The following ERGIC1 variants were observed in gnomAD, a reference collection of about 807,000 sequenced individuals.
ERGIC1 encodes the protein endoplasmic reticulum-golgi intermediate compartment 1, also known as endoplasmic reticulum-Golgi intermediate compartment protein 1.
ERGIC1 carries 19 observed loss-of-function variants against 38.3 expected under a neutral mutation model. That is an observed-to-expected ratio of 0.50 (90% CI 0.35 to 0.73). ERGIC1 has a LOEUF of 0.73. Ranked by LOEUF, ERGIC1 falls within the 30% of genes least tolerant of loss-of-function variation. ERGIC1 has a pLI of 0.01. For missense variants in ERGIC1, 294 were observed against 389.2 expected, an observed-to-expected ratio of 0.76 and a Z score of 2.06; for synonymous variants, 124 against 157.6, an observed-to-expected ratio of 0.79 and a Z score of 1.60.
At chr5:172,897,776 G>A (rs1428792332) in intron 3 of ERGIC1, 1 of 413,484 alleles carries the variant, frequency 2.4e-6, no homozygotes, top group Non-Finnish European at 4.4e-6. Context: ...CTACCGGAGG[G>A]GGCGAGGTTG....
At chr5:172,893,923 G>A (rs1180638852) in intron 2 of ERGIC1, among the ~76,000 whole-genome samples, 6,873 of 65,218 alleles carry the variant, frequency 0.11, 925 homozygotes, top group African/African-American at 0.22. Flanking sequence ...GTGTGTGTGT[G>A]TGTGTGTGTG....
intron 1 of ERGIC1, among the ~76,000 whole-genome samples, chr5:172,864,061 G>A (rs1761788315): frequency 6.6e-6 from 1 of 151,976 alleles, no homozygotes; most frequent in Non-Finnish European, 1.5e-5. Context: ...GCTGGGCATG[G>A]TGGTGCATAC....
rs189161200 is a variant in ERGIC1, at chr5:172,920,429, G to A, written c.376-3576G>A. 458 of 717,798 alleles carry A rather than the reference G, an allele frequency of 6.4e-4. 4 individuals are homozygous for A. In the East Asian group the frequency reaches 0.01, roughly 16 times the overall value. 44.5% of individuals were successfully genotyped at this position (717,798 alleles called of 1,614,324 possible). ...GAGCAGCAGCGGCAGCCTCACCAGA[G>A]ACCCCACGGTGACCTCGTTTCATCA... On this transcript the variant is annotated intron_variant, in intron 5 of 9. Coordinates refer to ENST00000393784, the MANE Select transcript of ERGIC1 (RefSeq NM_001031711.3).
At chr5:172,845,342 G>A (rs1012256358) in intron 1 of ERGIC1, among the ~76,000 whole-genome samples, 16 of 152,278 alleles carry the variant, frequency 1.1e-4, no homozygotes, top group Admixed American at 9.2e-4. Flanking sequence ...ATCTGTGGGC[G>A]AGAGATTATG....
In ERGIC1 at chr5:172,909,709, T is replaced by C; in HGVS notation, c.198T>C (p.Gly66=). The C allele has an allele frequency of 6.2e-7, 1 of 1,614,186 alleles. No individual in the cohort carries two copies. ...LYVDDPDKDS[G]GKIDVSLNIS... ...TCGATGACCCAGACAAGGACAGCGG[T>C]GGCAAGATCGACGTCAGTCTGAACA... The change falls in exon 4 of 10, where the codon GGT becomes GGC. Residue 66 remains glycine (G), a synonymous_variant. Transcript: ENST00000393784.
chr5:172,852,452 G>A (rs1045035542), intron 1 of ERGIC1, among the ~76,000 whole-genome samples: 3 of 152,166 alleles, frequency 2.0e-5, no homozygotes, highest in Non-Finnish European at 2.9e-5. Flanking sequence ...AGGCAGGGAG[G>A]TCTCCCTTTT....
chr5:172,902,454 T>C (rs1370275661), intron 3 of ERGIC1, among the ~76,000 whole-genome samples: 1 of 152,116 alleles, frequency 6.6e-6, no homozygotes, highest in African/African-American at 2.4e-5. Context: ...CCTGAGGGCG[T>C]CTGAGTGTGG....
chr5:172,912,461 C>T (rs1763230338), intron 4 of ERGIC1, among the ~76,000 whole-genome samples: 1 of 152,210 alleles, frequency 6.6e-6, no homozygotes, highest in Non-Finnish European at 1.5e-5. Context: ...GATCTTAGCT[C>T]ACTGCAACCT....
In ERGIC1 at chr5:172,926,290, G is replaced by T. The variant is rs1763648384; in HGVS notation, c.481-219G>T. ...TGAAATTATATGAAGGGGCCAGGAT[G>T]GAGCAGCACATAGTAGGGGCTAGAG... On this transcript the variant is annotated intron_variant, in intron 6 of 9. Transcript: ENST00000393784. This position sits in a 1 kb window ranked among gnomAD's most constrained non-coding sequence, Gnocchi z 5.2. 6.6e-6 allele frequency among the ~76,000 whole-genome samples: 1 copy of T among 152,208 alleles called. No homozygotes were observed. Among genetic ancestry groups the T allele is most frequent in the Admixed American group, 6.5e-5 (1 of 15,290 alleles).
At chr5:172,864,089 C>T (rs929561490) in intron 1 of ERGIC1, among the ~76,000 whole-genome samples, 5 of 151,536 alleles carry the variant, frequency 3.3e-5, no homozygotes, top group Non-Finnish European at 7.4e-5. Flanking sequence ...CCTAGCTACT[C>T]GAGAGGCTGA....
rs58360974 is a variant in ERGIC1, at chr5:172,910,520, C to CTTTTTTT, written c.250+774_250+780dup. 2.9e-3 allele frequency among the ~76,000 whole-genome samples: 399 copies of CTTTTTTT among 138,894 alleles called. 5 individuals carry two copies. Among genetic ancestry groups the CTTTTTTT allele is most frequent in the African/African-American group, 8.7e-3 (307 of 35,424 alleles). The allele number at this position is 138,894 out of a possible 152,430, so 91.1% of individuals were successfully genotyped here. A position where few individuals can be genotyped will look rare whatever the true frequency, so the allele number is the denominator to read the frequency against. ...TTTTAACCAAAAGAATGAATTACTT[C>CTTTTTTT]TTTTTTTTTTTTTTTTTTTTTGAGA... On this transcript the variant is annotated intron_variant, in intron 4 of 9. Transcript: ENST00000393784.
At chr5:172,940,636 C>T (rs1462046061) in intron 9 of ERGIC1, among the ~76,000 whole-genome samples, 1 of 152,120 alleles carries the variant, frequency 6.6e-6, no homozygotes, top group African/African-American at 2.4e-5. Flanking sequence ...CAAGAAGTAC[C>T]GGATGGCGAT....
chr5:172,922,902 C>G (rs1763559398), intron 5 of ERGIC1, among the ~76,000 whole-genome samples: 1 of 152,210 alleles, frequency 6.6e-6, no homozygotes, highest in African/African-American at 2.4e-5. Flanking sequence ...AGGGAGGAGC[C>G]TGCCATTGTT....
chr5:172,935,082 G>A (rs895007443), intron 8 of ERGIC1, 106 bp from the exon 9 acceptor site: 13 of 1,540,590 alleles, frequency 8.4e-6, no homozygotes, highest in Non-Finnish European at 1.2e-5. Context: ...GGGCAGAGAG[G>A]GAGGAAAGCC....
intron 1 of ERGIC1, among the ~76,000 whole-genome samples, chr5:172,867,998 G>T (rs150148393): frequency 6.6e-6 from 1 of 152,154 alleles, no homozygotes; most frequent in Non-Finnish European, 1.5e-5. Flanking sequence ...GATTTGAGCC[G>T]AAAGCTGGGT....
In ERGIC1 at chr5:172,865,769, A is replaced by G. The variant is rs570045194; in HGVS notation, c.21-22930A>G. Among the ~76,000 whole-genome samples the G allele has an allele frequency of 9.2e-5, 14 of 152,310 alleles. No individual in the cohort carries two copies. The East Asian group carries it at 2.7e-3, about 29-fold the overall frequency. On this transcript the variant is annotated intron_variant, in intron 1 of 9. Coordinates refer to ENST00000393784, the MANE Select transcript of ERGIC1 (RefSeq NM_001031711.3). ...ATCCCATGTCCCATCTGTGGGATTC[A>G]TTCATGTGGTCGGATCAGTGCTTCA...
chr5:172,923,713 G>C (rs770097420), intron 5 of ERGIC1, among the ~76,000 whole-genome samples: 32 of 152,240 alleles, frequency 2.1e-4, no homozygotes, highest in South Asian at 6.2e-4. Context: ...CAGCTGCCAT[G>C]AGTCCTGGCT....
chr5:172,866,775 G>C (rs1444141796), intron 1 of ERGIC1, among the ~76,000 whole-genome samples: 1 of 152,232 alleles, frequency 6.6e-6, no homozygotes, highest in Non-Finnish European at 1.5e-5. Context: ...TTGTCTAGTG[G>C]AGGCACGGGC....
At chr5:172,919,103 C>T (rs545264694) in intron 5 of ERGIC1, among the ~76,000 whole-genome samples, 24 of 152,332 alleles carry the variant, frequency 1.6e-4, no homozygotes, top group Non-Finnish European at 2.9e-4. Flanking sequence ...TGCTCCCCGC[C>T]GTTGGTGGCC....
Sources: gnomAD v4.1 joint callset for allele counts (sites outside exome capture counted in the v4.1 genomes callset) on GRCh38, gnomAD v4.1.1 for gene constraint, Gnocchi (gnomAD v3.1) non-coding constraint, MANE v1.5 for transcripts, NCBI Gene and HGNC (gene_info 2026-07-23, HGNC 2026-07-21) for gene names.